Variants in CRISP2 observed in about 807,000 individuals in gnomAD.
CRISP2 encodes cysteine-rich secretory protein 2.
CRISP2 carries 29 observed loss-of-function variants against 31.7 expected under a neutral mutation model. The observed-to-expected ratio is 0.92, with a 90% CI of 0.68 to 1.25. The LOEUF (loss-of-function observed/expected upper bound fraction) is 1.25. Ranked by LOEUF, CRISP2 falls within the 50% of genes most tolerant of loss-of-function variation. The pLI, the probability that CRISP2 is intolerant of heterozygous loss-of-function variation, is 0.00. For missense variants in CRISP2, 318 were observed against 286.5 expected, an observed-to-expected ratio of 1.11 and a Z score of -0.79; for synonymous variants, 111 against 101.4, an observed-to-expected ratio of 1.09 and a Z score of -0.57.
the CRISP2 span, among the ~76,000 whole-genome samples, chr6:49,677,162 A>G: frequency 6.6e-6 from 1 of 152,130 alleles, no homozygotes; most frequent in East Asian, 1.9e-4. Flanking sequence ...TGTAGTGGTA[A>G]TCATGCAAGA....
At chr6:49,695,370 A>G (rs987176730) in intron 9 of CRISP2, among the ~76,000 whole-genome samples, 2 of 152,198 alleles carry the variant, frequency 1.3e-5, no homozygotes, top group African/African-American at 4.8e-5. Context: ...ATTATACTAT[A>G]AAAAAGAAGT....
intron 6 of CRISP2, 31 bp from the exon 7 acceptor site, chr6:49,698,538 A>G (rs1765152425): frequency 1.1e-5 from 17 of 1,575,552 alleles, no homozygotes; most frequent in Non-Finnish European, 1.4e-5. Flanking sequence ...GAGCAAGGTA[A>G]TAAACATGCA....
chr6:49,694,545 C>T (rs1397550101), intron 9 of CRISP2, among the ~76,000 whole-genome samples: 9 of 151,984 alleles, frequency 5.9e-5, no homozygotes, highest in Non-Finnish European at 8.8e-5. Context: ...GCAGAGTACC[C>T]CACACACTTC....
intron 4 of CRISP2, among the ~76,000 whole-genome samples, chr6:49,708,189 G>A (rs1052274911): frequency 2.0e-5 from 3 of 152,134 alleles, no homozygotes; most frequent in African/African-American, 7.2e-5. Flanking sequence ...ATTGGAGCAA[G>A]AGGACTATCA....
chr6:49,683,694 A>AAAAAAATATATATATATATAT, the CRISP2 span, among the ~76,000 whole-genome samples: 1 of 6,180 alleles, frequency 1.6e-4, no homozygotes, highest in Non-Finnish European at 3.8e-4. Context: ...AAAAAAAAAA[A>AAAAAAATATATATATATATAT]ATATATATAT....
chr6:49,710,165 G>A (rs1767757991), intron 3 of CRISP2, among the ~76,000 whole-genome samples: 2 of 152,150 alleles, frequency 1.3e-5, no homozygotes, highest in South Asian at 4.1e-4. Context: ...TTCACTTACT[G>A]TAAATAGTGT....
At chr6:49,688,337 TTA>T (rs1763948791), downstream of CRISP2, among the ~76,000 whole-genome samples, 1 of 152,240 alleles carries the variant, frequency 6.6e-6, no homozygotes, top group Non-Finnish European at 1.5e-5. Context: ...CTAGAAGACT[TTA>T]AGATAAGGAT....
the CRISP2 span, among the ~76,000 whole-genome samples, chr6:49,677,290 T>G: frequency 1.3e-5 from 2 of 152,120 alleles, no homozygotes; most frequent in African/African-American, 4.8e-5. Flanking sequence ...TCTTTCAAAT[T>G]TACATGCCCC....
At chr6:49,679,618 G>A in the CRISP2 span, among the ~76,000 whole-genome samples, 1 of 151,940 alleles carries the variant, frequency 6.6e-6, no homozygotes, top group Non-Finnish European at 1.5e-5. Flanking sequence ...CCTTAGGTCA[G>A]TCAATCACAA....
At chr6:49,694,890 C>T (rs1226529541) in intron 9 of CRISP2, among the ~76,000 whole-genome samples, 3 of 152,008 alleles carry the variant, frequency 2.0e-5, no homozygotes, top group Non-Finnish European at 2.9e-5. Context: ...TCCACCACCA[C>T]ACCTGGCTCA....
downstream of CRISP2, among the ~76,000 whole-genome samples, chr6:49,690,715 G>A (rs142005444): frequency 1.2e-3 from 188 of 152,028 alleles, 1 homozygote; most frequent in African/African-American, 3.8e-3. Context: ...GGACATTTTC[G>A]TTGGTTAAAA....
Position 49,700,696 on chromosome 6 carries a change from G to C in CRISP2, c.155C>G (p.Ser52Cys), listed in dbSNP as rs574220366. Residue 52 changes from serine (S) to cysteine (C), a missense_variant, in exon 5 of 10, where the codon TCT (serine) becomes TGT (cysteine). Coordinates refer to ENST00000339139, the MANE Select transcript of CRISP2 (RefSeq NM_003296.4). ...NKHNELRKAV[S>C]PPASNMLKME... The stretch of plus-strand genomic sequence containing the variant: ...CTTTAGCATGTTACTGGCAGGTGGA[G>C]AGACTGCTTTCCTTAGTTCATTGTG... The C allele has an allele frequency of 9.9e-6, 16 of 1,611,460 alleles. No homozygotes were observed. In the Admixed American group the frequency reaches 2.5e-4, roughly 25 times the overall value.
chr6:49,707,440 T>C (rs1173127219), intron 4 of CRISP2, among the ~76,000 whole-genome samples: 1 of 152,166 alleles, frequency 6.6e-6, no homozygotes, highest in Non-Finnish European at 1.5e-5. Context: ...ATAGAGCATC[T>C]GATTTCAAAC....
In CRISP2 at chr6:49,700,736, C is replaced by T. The variant is rs1396807021; in HGVS notation, c.115G>A (p.Glu39Lys). 1.2e-6 allele frequency: 2 copies of T among 1,612,488 alleles called. No homozygotes were observed. Among genetic ancestry groups the T allele is most frequent in the Non-Finnish European group, 1.7e-6 (2 of 1,179,148 alleles). Residue 39 changes from glutamate to lysine, a missense_variant, in exon 5 of 10, where the codon GAG becomes AAG. By Grantham distance (56) the Glu-to-Lys change is moderately conservative. Coordinates refer to ENST00000339139, the MANE Select transcript of CRISP2 (RefSeq NM_003296.4). ...LLTTQLQVQR[E>K]IVNKHNELRK... is the part of the protein sequence containing the mutation. The stretch of plus-strand genomic sequence containing the variant: ...AGTTCATTGTGTTTATTTACAATCT[C>T]CCTTTGCACTTGCAACTGGGTGGTT...
At chr6:49,680,060 G>T in the CRISP2 span, among the ~76,000 whole-genome samples, 1 of 152,222 alleles carries the variant, frequency 6.6e-6, no homozygotes, top group African/African-American at 2.4e-5. Context: ...AGGTAAAGTT[G>T]TATCATAGCA....
intron 4 of CRISP2, among the ~76,000 whole-genome samples, chr6:49,702,845 T>G (rs969520220): frequency 6.6e-6 from 1 of 152,128 alleles, no homozygotes; most frequent in African/African-American, 2.4e-5. Context: ...TGCATTTGCT[T>G]TTGGGTTCTT....
intron 2 of CRISP2, among the ~76,000 whole-genome samples, chr6:49,711,991 T>C (rs779306395): frequency 6.6e-6 from 1 of 152,270 alleles, no homozygotes; most frequent in Non-Finnish European, 1.5e-5. Context: ...GAGCTTTCTA[T>C]AAACATATGC....
chr6:49,678,169 A>C, the CRISP2 span, among the ~76,000 whole-genome samples: 1 of 152,178 alleles, frequency 6.6e-6, no homozygotes, highest in Non-Finnish European at 1.5e-5. Context: ...GGTGTTCAGA[A>C]ACAATTCAAC....
chr6:49,692,247 A>T (rs1392402304), downstream of CRISP2: 1 of 107,056 alleles, frequency 9.3e-6, no homozygotes, highest in Admixed American at 1.1e-4. Flanking sequence ...GCTGGAGTTA[A>T]TTATGAATGG....
Sources: allele counts gnomAD v4.1 joint callset (sites outside exome capture counted in the v4.1 genomes callset), GRCh38; gene constraint gnomAD v4.1.1; transcripts MANE v1.5; gene names NCBI Gene and HGNC (gene_info 2026-07-23, HGNC 2026-07-21).